Variants in NKD1 observed in about 807,000 individuals in gnomAD.
NKD1 encodes the protein protein naked cuticle homolog 1.
NKD1 carries 21 observed loss-of-function variants against 56.0 expected under a neutral mutation model. The ratio of observed to expected loss-of-function variants is 0.38; its 90% confidence interval spans 0.27 to 0.54. The LOEUF (loss-of-function observed/expected upper bound fraction) is 0.54, where lower values mean the gene tolerates loss of function less well. Among genes scored for constraint, NKD1 ranks in the 20% least tolerant of loss-of-function variants. NKD1 has a pLI of 0.82. For missense variants in NKD1, 578 were observed against 642.7 expected, an observed-to-expected ratio of 0.90 and a Z score of 1.09; for synonymous variants, 263 against 265.7, an observed-to-expected ratio of 0.99 and a Z score of 0.10.
At position 50,633,880 on chromosome 16, in the gene NKD1, T is replaced by C; in HGVS notation, c.*99T>C. On this transcript the variant is annotated 3_prime_UTR_variant, in exon 10 of 10. Transcript: ENST00000268459. This position sits in a 1 kb window ranked among gnomAD's most constrained non-coding sequence, Gnocchi z 4.9. ...TAATTATTGTTATTATGATGATTATTGTTATTAATAATTATTGTTACTCCA... is the reference window on the plus strand; with the variant it reads ...TAATTATTGTTATTATGATGATTATCGTTATTAATAATTATTGTTACTCCA... 1 of 602,422 alleles carries C rather than the reference T, an allele frequency of 1.7e-6. No homozygotes were observed. The highest frequency in any genetic ancestry group is 3.0e-5 in the South Asian group (1 of 33,344). 37.3% of individuals were successfully genotyped at this position (602,422 alleles called of 1,614,324 possible).
chr16:50,601,069 C>T (rs901636033), intron 3 of NKD1, among the ~76,000 whole-genome samples: 11 of 152,204 alleles, frequency 7.2e-5, no homozygotes, highest in African/African-American at 2.7e-4. Flanking sequence ...CCTTGCAGGC[C>T]AAATACAAAA....
At chr16:50,560,863 T>TATCTATCTATCTATCA (rs1960616309) in intron 3 of NKD1, among the ~76,000 whole-genome samples, 1 of 151,970 alleles carries the variant, frequency 6.6e-6, no homozygotes, top group African/African-American at 2.4e-5. Flanking sequence ...TCTATCTATC[T>TATCTATCTATCTATCA]ACAGCAGAGG....
intron 8 of NKD1, among the ~76,000 whole-genome samples, chr16:50,631,219 C>T (rs1042560606): frequency 6.6e-6 from 1 of 152,112 alleles, no homozygotes; most frequent in African/African-American, 2.4e-5. Flanking sequence ...TGAATATTCA[C>T]ACTAAGTGAG....
rs183410668 is a variant in NKD1, at chr16:50,594,493, C to G, written c.193-13801C>G. Among the ~76,000 whole-genome samples, 263 of 152,342 alleles carry G rather than the reference C, an allele frequency of 1.7e-3. 1 individual carries two copies. The highest frequency in any genetic ancestry group is 5.7e-3 in the African/African-American group (237 of 41,588). ...GCTAGTGATTCACTCAGGACACTGTCCCAGGGCAGGGCAGGCCAGTGAGGC... is the reference window on the plus strand; with the variant it reads ...GCTAGTGATTCACTCAGGACACTGTGCCAGGGCAGGGCAGGCCAGTGAGGC... On this transcript the variant is annotated intron_variant, in intron 3 of 9. Coordinates refer to ENST00000268459, the MANE Select transcript of NKD1 (RefSeq NM_033119.5).
At chr16:50,616,024 A>T in intron 4 of NKD1, 1 of 452,322 alleles carries the variant, frequency 2.2e-6, no homozygotes, top group Non-Finnish European at 4.5e-6. Context: ...CTAATATTAA[A>T]ATTCATCTGC....
chr16:50,633,238 C>A lies in NKD1; in HGVS notation c.870C>A (p.Ser290=), dbSNP rs577846427. ...AGTCAGAACTGCCCCCCCGCACCTCCAATCCCACTCGATCTCGCTCCCATG... is the reference window on the plus strand; with the variant it reads ...AGTCAGAACTGCCCCCCCGCACCTCAAATCCCACTCGATCTCGCTCCCATG... ...AQKSELPPRT[S]NPTRSRSHEP... Residue 290 remains serine (S), a synonymous_variant, in exon 10 of 10, where the codon TCC becomes TCA. Transcript: ENST00000268459. The surrounding 1 kb of genome is among the most constrained non-coding windows in gnomAD (Gnocchi z 4.9). 35 of 1,613,844 alleles carry A rather than the reference C, an allele frequency of 2.2e-5. No individual in the cohort carries two copies. In the South Asian group the frequency reaches 3.5e-4, roughly 16 times the overall value.
intron 3 of NKD1, chr16:50,573,698 A>G (rs1960934297): frequency 1.8e-6 from 1 of 547,266 alleles, no homozygotes; most frequent in Admixed American, 6.3e-5. Flanking sequence ...GATCTTCTGA[A>G]TTTATCTGGC....
At chr16:50,555,888 T>C (rs1960491355) in intron 3 of NKD1, 1 of 152,388 alleles carries the variant, frequency 6.6e-6, no homozygotes, top group African/African-American at 2.4e-5. Context: ...CACTCACACG[T>C]GTTCTTTTTG....
chr16:50,583,757 C>A (rs1032265808), intron 3 of NKD1, among the ~76,000 whole-genome samples: 5 of 152,088 alleles, frequency 3.3e-5, no homozygotes, highest in African/African-American at 1.2e-4. Context: ...GAGAACAGAT[C>A]AATAAAGGGT....
rs1962445477 is a variant in NKD1 at position 50,635,411 on chromosome 16, G to A, written c.*1630G>A. ...GTCACACGGGCATGTTCCCAGGTCAGAGAGGAGAGTGGAGAGTGAATCTAG... is the reference window on the plus strand; with the variant it reads ...GTCACACGGGCATGTTCCCAGGTCAAAGAGGAGAGTGGAGAGTGAATCTAG... On this transcript the variant is annotated 3_prime_UTR_variant, in exon 10 of 10. Transcript: ENST00000268459. This position sits in a 1 kb window ranked among gnomAD's most constrained non-coding sequence, Gnocchi z 4.1. The A allele has an allele frequency of 6.6e-6, 1 of 152,246 alleles. No homozygotes were observed. The highest frequency in any genetic ancestry group is 1.5e-5 in the Non-Finnish European group (1 of 68,044). The allele number at this position is 152,246 out of a possible 1,614,324, so 9.4% of individuals were successfully genotyped here.
rs750565219 is a variant in NKD1 at position 50,549,480 on chromosome 16, G to A, written c.117G>A (p.Gly39=). The A allele has an allele frequency of 3.7e-6, 6 of 1,610,982 alleles. No individual in the cohort carries two copies. Among genetic ancestry groups the A allele is most frequent in the Admixed American group, 1.7e-5 (1 of 59,812 alleles). The part of the protein sequence containing the change: ...WARKGIEEWI[G]RQRCPGGVSG... ...GGAAGGGCATCGAGGAGTGGATCGG[G>A]AGACAGCGCTGCCCGGGCGGTGTCT... The change falls in exon 3 of 10, where the codon GGG becomes GGA. Residue 39 remains glycine (G), a synonymous_variant. Coordinates refer to ENST00000268459, the MANE Select transcript of NKD1 (RefSeq NM_033119.5).
At chr16:50,562,829 G>A (rs1335892954) in intron 3 of NKD1, among the ~76,000 whole-genome samples, 4 of 152,146 alleles carry the variant, frequency 2.6e-5, no homozygotes, top group African/African-American at 9.7e-5. Flanking sequence ...AGAAGCCAGT[G>A]CAGGCCCTCA....
At chr16:50,566,068 G>T (rs1749362723) in intron 3 of NKD1, 2 of 755,640 alleles carry the variant, frequency 2.6e-6, no homozygotes, top group Non-Finnish European at 3.2e-6. Flanking sequence ...CAAAGCTGGA[G>T]TTTTTCCTTC....
intron 3 of NKD1, among the ~76,000 whole-genome samples, chr16:50,602,678 A>G (rs1440509946): frequency 6.6e-6 from 1 of 152,130 alleles, no homozygotes; most frequent in African/African-American, 2.4e-5. Flanking sequence ...CACGGGGACA[A>G]TCTCATGGCA....
At chr16:50,616,171 CCAGACTCTAG>C (rs1388768891) in intron 4 of NKD1, 6 of 430,744 alleles carry the variant, frequency 1.4e-5, no homozygotes, top group Admixed American at 1.2e-4. Context: ...GGGCGAGCAT[CCAGACTCTAG>C]CAAGGAAGTT....
rs2151284184 is a variant in NKD1, at chr16:50,645,177, C to CT, written c.*11397dup. ...GCACTCGATAAAACAGACATCATCT[C>CT]TACCTACCTTTGTGGAGCTTTAATC... On this transcript the variant is annotated 3_prime_UTR_variant, in exon 10 of 10. Transcript: ENST00000268459. 1 of 152,410 alleles carries CT rather than the reference C, an allele frequency of 6.6e-6. No individual in the cohort carries two copies. Among genetic ancestry groups the CT allele is most frequent in the African/African-American group, 2.4e-5 (1 of 41,586 alleles). 9.4% of individuals were successfully genotyped at this position (152,410 alleles called of 1,614,324 possible). A position where few individuals can be genotyped will look rare whatever the true frequency, so the allele number is the denominator to read the frequency against.
rs895577144 is a variant in NKD1, at chr16:50,641,446, A to G, written c.*7665A>G. Reference sequence around the variant, plus strand: ...CATGTTTGACCCATCAAGGGTTTCAAAAATTTTTAATTAATTTCCAAAATC... The same window carrying G: ...CATGTTTGACCCATCAAGGGTTTCAGAAATTTTTAATTAATTTCCAAAATC... On this transcript the variant is annotated 3_prime_UTR_variant, in exon 10 of 10. Transcript: ENST00000268459. 1.3e-5 allele frequency: 2 copies of G among 152,226 alleles called. No individual in the cohort carries two copies. The highest frequency in any genetic ancestry group is 2.9e-5 in the Non-Finnish European group (2 of 68,042). The allele number at this position is 152,226 out of a possible 1,614,324, so 9.4% of individuals were successfully genotyped here. A position where few individuals can be genotyped will look rare whatever the true frequency, so the allele number is the denominator to read the frequency against.
At chr16:50,613,878 T>C (rs1961904624) in intron 4 of NKD1, among the ~76,000 whole-genome samples, 1 of 152,166 alleles carries the variant, frequency 6.6e-6, no homozygotes, top group South Asian at 2.1e-4. Flanking sequence ...CCTGTTCAGA[T>C]GTCAAAGCCG....
chr16:50,632,633 C>T lies in NKD1; in HGVS notation c.823+225C>T, dbSNP rs1480214643. ...AATCCAATAGTATCTAAAGGCTTAGCACCCAATGACAAACAACAGTTTTGT... is the reference window on the plus strand; with the variant it reads ...AATCCAATAGTATCTAAAGGCTTAGTACCCAATGACAAACAACAGTTTTGT... On this transcript the variant is annotated intron_variant, in intron 9 of 9. Transcript: ENST00000268459. The surrounding 1 kb of genome is among the most constrained non-coding windows in gnomAD (Gnocchi z 4.1). Among the ~76,000 whole-genome samples, 1 of 152,210 alleles carries T rather than the reference C, an allele frequency of 6.6e-6. No individual in the cohort carries two copies. The highest frequency in any genetic ancestry group is 1.5e-5 in the Non-Finnish European group (1 of 68,042).
Sources: gnomAD v4.1 joint callset for allele counts (sites outside exome capture counted in the v4.1 genomes callset) on GRCh38, gnomAD v4.1.1 for gene constraint, Gnocchi (gnomAD v3.1) non-coding constraint, MANE v1.5 for transcripts, NCBI Gene and HGNC (gene_info 2026-07-23, HGNC 2026-07-21) for gene names.